HHAT: variants seen among roughly 807,000 people sequenced by gnomAD.
HHAT encodes the protein hedgehog acyltransferase.
HHAT carries 47 observed loss-of-function variants against 70.8 expected under a neutral mutation model. That is an observed-to-expected ratio of 0.66 (90% CI 0.53 to 0.85). The LOEUF (loss-of-function observed/expected upper bound fraction) is 0.85. Ranked by LOEUF, HHAT falls within the 40% of genes least tolerant of loss-of-function variation. HHAT has a pLI of 0.00. For synonymous variants in HHAT, 228 were observed against 247.6 expected, an observed-to-expected ratio of 0.92 and a Z score of 0.74; for missense variants, 609 against 604.8, an observed-to-expected ratio of 1.01 and a Z score of -0.07.
At chr1:210,560,155 T>C (rs2095608231) in intron 9 of HHAT, among the ~76,000 whole-genome samples, 1 of 152,232 alleles carries the variant, frequency 6.6e-6, no homozygotes, top group South Asian at 2.1e-4. Context: ...AATTTCTCTC[T>C]TGTACCCTTC....
At chr1:210,370,370 T>G (rs2089456389) in intron 3 of HHAT, among the ~76,000 whole-genome samples, 3 of 151,806 alleles carry the variant, frequency 2.0e-5, no homozygotes, top group Admixed American at 2.0e-4. Flanking sequence ...AGATGGAGTT[T>G]CACTATGTTG....
At chr1:210,592,339 C>A (rs1661917247) in intron 10 of HHAT, among the ~76,000 whole-genome samples, 1 of 151,978 alleles carries the variant, frequency 6.6e-6, no homozygotes, top group Non-Finnish European at 1.5e-5. Context: ...AATGAGTTCA[C>A]TGTTGATGTG....
chr1:210,554,841 C>T (rs910331782), intron 9 of HHAT, among the ~76,000 whole-genome samples: 8 of 152,068 alleles, frequency 5.3e-5, no homozygotes, highest in Non-Finnish European at 7.4e-5. Context: ...GCCCTCAGAC[C>T]ATTTGGCAAG....
chr1:210,661,439 T>C (rs1445525769), intron 11 of HHAT, among the ~76,000 whole-genome samples: 1 of 147,116 alleles, frequency 6.8e-6, no homozygotes, highest in Non-Finnish European at 1.5e-5. Context: ...AGGAACACTT[T>C]TACACTTTTG....
intron 10 of HHAT, among the ~76,000 whole-genome samples, chr1:210,622,271 C>T (rs992070155): frequency 2.0e-5 from 3 of 152,026 alleles, no homozygotes; most frequent in Admixed American, 1.3e-4. Flanking sequence ...GGAGGATATT[C>T]AGGAAATATC....
chr1:210,484,367 G>A (rs1325326443), intron 8 of HHAT, among the ~76,000 whole-genome samples: 1 of 152,126 alleles, frequency 6.6e-6, no homozygotes, highest in Non-Finnish European at 1.5e-5. Context: ...TACATAAGAA[G>A]TGTTATATCC....
At chr1:210,423,844 G>T (rs1045866222) in intron 7 of HHAT, among the ~76,000 whole-genome samples, 6 of 152,078 alleles carry the variant, frequency 3.9e-5, no homozygotes, top group African/African-American at 1.4e-4. Context: ...AAATCAGTTG[G>T]CTGTAGATAT....
intron 8 of HHAT, among the ~76,000 whole-genome samples, chr1:210,509,788 A>C (rs754151512): frequency 3.2e-4 from 48 of 152,182 alleles, no homozygotes; most frequent in Non-Finnish European, 6.2e-4. Context: ...GATCCAAGGA[A>C]AGTGAGAGGC....
At chr1:210,656,378 T>C (rs1397844269) in intron 11 of HHAT, among the ~76,000 whole-genome samples, 9 of 150,546 alleles carry the variant, frequency 6.0e-5, no homozygotes, top group African/African-American at 1.7e-4. Context: ...GCATGTGCTT[T>C]CTCTTACCCT....
chr1:210,673,782 TTTATTTATTTATTTA>T (rs1438113336), intron 11 of HHAT, among the ~76,000 whole-genome samples: 3 of 40,846 alleles, frequency 7.3e-5, no homozygotes, highest in African/African-American at 3.2e-4. Context: ...TATTTATTTA[TTTATTTATTTATTTA>T]TTTATTTATT....
intron 2 of HHAT, among the ~76,000 whole-genome samples, chr1:210,359,920 T>C (rs2088082381): frequency 1.3e-5 from 2 of 152,108 alleles, no homozygotes; most frequent in Admixed American, 1.3e-4. Flanking sequence ...ATTTCGGTAA[T>C]AATAAAACTC....
chr1:210,616,006 C>T (rs192406349), intron 10 of HHAT, among the ~76,000 whole-genome samples: 31 of 152,324 alleles, frequency 2.0e-4, no homozygotes, highest in South Asian at 8.3e-4. Context: ...GCTATACTCA[C>T]GCTGGGAGCT....
chr1:210,538,023 CTT>C (rs1182156232), intron 9 of HHAT, among the ~76,000 whole-genome samples: 1 of 149,116 alleles, frequency 6.7e-6, no homozygotes, highest in Non-Finnish European at 1.5e-5. Context: ...ATGAAAGTAT[CTT>C]TTTGTATTAC....
intron 8 of HHAT, among the ~76,000 whole-genome samples, chr1:210,470,572 T>C (rs1295268088): frequency 3.3e-5 from 5 of 152,238 alleles, no homozygotes; most frequent in Non-Finnish European, 4.4e-5. Context: ...GAACCATCAT[T>C]ATGTTTCGCT....
intron 3 of HHAT, among the ~76,000 whole-genome samples, chr1:210,372,501 T>A (rs2089653371): frequency 1.3e-5 from 2 of 152,234 alleles, no homozygotes; most frequent in South Asian, 4.1e-4. Flanking sequence ...GGTGTCTAAC[T>A]GAATTCTCCT....
chr1:210,424,373 A>G (rs866257536), intron 7 of HHAT, among the ~76,000 whole-genome samples: 2 of 152,010 alleles, frequency 1.3e-5, no homozygotes, highest in African/African-American at 2.4e-5. Context: ...TGTACCCTGC[A>G]ACTTTACTGG....
At chr1:210,636,016 C>G (rs1237923173) in intron 11 of HHAT, among the ~76,000 whole-genome samples, 1 of 152,206 alleles carries the variant, frequency 6.6e-6, no homozygotes. Flanking sequence ...CATCAATAAG[C>G]ATAGCTGCTT....
intron 3 of HHAT, among the ~76,000 whole-genome samples, chr1:210,372,754 C>T (rs544126844): frequency 1.3e-5 from 2 of 149,224 alleles, no homozygotes; most frequent in South Asian, 4.2e-4. Flanking sequence ...ACTTTCAGTG[C>T]TTTGGGTGCT....
chr1:210,445,168 C>T (rs1247929692), intron 7 of HHAT, among the ~76,000 whole-genome samples: 1 of 152,166 alleles, frequency 6.6e-6, no homozygotes, highest in Non-Finnish European at 1.5e-5. Flanking sequence ...ACAGTGGTCA[C>T]TTGTTGACTA....
Sources: allele counts gnomAD v4.1 joint callset (sites outside exome capture counted in the v4.1 genomes callset), GRCh38; gene constraint gnomAD v4.1.1; transcripts MANE v1.5; gene names NCBI Gene and HGNC (gene_info 2026-07-23, HGNC 2026-07-21).